Variants in NAALADL2 observed in about 807,000 individuals in gnomAD.
NAALADL2 encodes inactive N-acetylated-alpha-linked acidic dipeptidase-like protein 2.
A neutral mutation model predicts 87.2 loss-of-function variants in NAALADL2; 76 were observed. The ratio of observed to expected loss-of-function variants is 0.87; its 90% CI spans 0.72 to 1.05. NAALADL2 has a LOEUF of 1.05. Among genes scored for constraint, NAALADL2 ranks in the 50% least tolerant of loss-of-function variants. NAALADL2 has a pLI of 0.00. For missense variants in NAALADL2, 1,089 were observed against 945.8 expected (o/e 1.15, Z -1.99); for synonymous variants, 354 against 331.0 (o/e 1.07, Z -0.75).
At chr3:175,321,256 T>C (rs1288477100) in intron 4 of NAALADL2, among the ~76,000 whole-genome samples, 2 of 141,552 alleles carry the variant, frequency 1.4e-5, no homozygotes, top group Non-Finnish European at 3.0e-5. Flanking sequence ...TCTCAATAGA[T>C]GCAGAAAAAG....
intron 1 of NAALADL2, among the ~76,000 whole-genome samples, chr3:174,490,559 TC>T (rs1316249924): frequency 3.3e-5 from 5 of 152,136 alleles, no homozygotes; most frequent in Non-Finnish European, 5.9e-5. Context: ...GAATTAGATC[TC>T]AATAAAGATC....
At chr3:174,469,285 T>C (rs758375440) in intron 1 of NAALADL2, among the ~76,000 whole-genome samples, 1 of 150,964 alleles carries the variant, frequency 6.6e-6, no homozygotes, top group South Asian at 2.1e-4. Context: ...TTTGAGACAG[T>C]CTCGCTCTGT....
chr3:175,801,461 G>A (rs189786879), intron 13 of NAALADL2, among the ~76,000 whole-genome samples: 310 of 152,074 alleles, frequency 2.0e-3, no homozygotes, highest in Non-Finnish European at 3.9e-3. Flanking sequence ...TTTCACTAAG[G>A]ATATCATGCT....
chr3:174,548,194 C>G (rs1018471953), intron 1 of NAALADL2, among the ~76,000 whole-genome samples: 2 of 152,056 alleles, frequency 1.3e-5, no homozygotes, highest in African/African-American at 2.4e-5. Context: ...TTCATACAGT[C>G]GGAGAACTTT....
In NAALADL2 at chr3:174,701,823, A is replaced by G. The variant is rs78819960; in HGVS notation, c.-114-35818A>G. On this transcript the variant is annotated intron_variant, in intron 2 of 3. Coordinates refer to the NAALADL2 transcript ENST00000434257. The stretch of plus-strand genomic sequence containing the variant: ...TGTTCCATTGGAAGGGTATATCACC[A>G]TTTGTTTATTCATTCATGTGTCGGA... Among the ~76,000 whole-genome samples, 1,184 of 152,200 alleles carry G rather than the reference A, an allele frequency of 7.8e-3. 13 individuals are homozygous for G. The highest frequency in any genetic ancestry group is 0.027 in the African/African-American group (1,129 of 41,536).
At chr3:175,371,138 A>G (rs1766425772) in intron 5 of NAALADL2, among the ~76,000 whole-genome samples, 1 of 152,166 alleles carries the variant, frequency 6.6e-6, no homozygotes, top group African/African-American at 2.4e-5. Context: ...ATGTATAGTA[A>G]TTTGCAGTAA....
rs544614609 is a variant in NAALADL2 at position 175,618,944 on chromosome 3, C to T, written c.1801-8347C>T. ...GACCGAGTCAGAAGGGATAGTCATGCTCACCTGGGCTGTGCCCTAGCCTTC... is the reference window on the plus strand; with the variant it reads ...GACCGAGTCAGAAGGGATAGTCATGTTCACCTGGGCTGTGCCCTAGCCTTC... On this transcript the variant is annotated intron_variant, in intron 10 of 13. Coordinates refer to ENST00000454872, the MANE Select transcript of NAALADL2 (RefSeq NM_207015.3). 5.5e-4 allele frequency among the ~76,000 whole-genome samples: 84 copies of T among 152,318 alleles called. 2 individuals are homozygous for T. The South Asian group carries it at 0.017, about 30-fold the overall frequency.
chr3:174,713,047 T>C (rs1730827349), intron 2 of NAALADL2, among the ~76,000 whole-genome samples: 1 of 151,364 alleles, frequency 6.6e-6, no homozygotes, highest in East Asian at 2.0e-4. Context: ...AGTGAGAACA[T>C]GCGGTGTTTG....
chr3:175,613,720 C>T (rs1017910038), intron 10 of NAALADL2, among the ~76,000 whole-genome samples: 3 of 152,084 alleles, frequency 2.0e-5, no homozygotes, highest in Non-Finnish European at 4.4e-5. Context: ...GCAAGATATT[C>T]GAACTCACTG....
chr3:175,040,205 T>G (rs180803450), intron 1 of NAALADL2, among the ~76,000 whole-genome samples: 1 of 152,196 alleles, frequency 6.6e-6, no homozygotes, highest in Non-Finnish European at 1.5e-5. Context: ...AGTGTACAAC[T>G]TTTTAATAAA....
intron 1 of NAALADL2, among the ~76,000 whole-genome samples, chr3:175,089,575 T>A (rs1719688052): frequency 6.6e-6 from 1 of 152,150 alleles, no homozygotes; most frequent in Admixed American, 6.5e-5. Context: ...TCTTGGCTCA[T>A]TTTAAGAGTT....
intron 3 of NAALADL2, among the ~76,000 whole-genome samples, chr3:174,783,769 G>A (rs1284235042): frequency 6.6e-6 from 1 of 152,046 alleles, no homozygotes; most frequent in Admixed American, 6.6e-5. Context: ...GGGTTCAGGT[G>A]GACAAGGCTG....
chr3:174,503,828 A>G (rs892236876), intron 1 of NAALADL2, among the ~76,000 whole-genome samples: 9 of 152,266 alleles, frequency 5.9e-5, no homozygotes, highest in African/African-American at 1.7e-4. Flanking sequence ...AATTTGGGTC[A>G]GAATTTTTCT....
intron 2 of NAALADL2, among the ~76,000 whole-genome samples, chr3:175,167,317 A>G (rs1029690057): frequency 2.0e-5 from 3 of 152,128 alleles, no homozygotes; most frequent in Non-Finnish European, 4.4e-5. Context: ...GAGCTCTCTC[A>G]ATACAAATAT....
intron 1 of NAALADL2, among the ~76,000 whole-genome samples, chr3:174,537,904 T>C (rs1721874923): frequency 6.6e-6 from 1 of 152,176 alleles, no homozygotes; most frequent in African/African-American, 2.4e-5. Context: ...ATTCTTCCTC[T>C]TTCACAGCTA....
At position 175,082,044 on chromosome 3, in the gene NAALADL2, G is replaced by A. The variant is rs1248847835; in HGVS notation, c.44-14746G>A. 2.5e-5 allele frequency among the ~76,000 whole-genome samples: 3 copies of A among 117,924 alleles called. No homozygotes were observed. In the South Asian group the frequency reaches 7.8e-4, roughly 30 times the overall value. The allele number at this position is 117,924 out of a possible 152,430, so 77.4% of individuals were successfully genotyped here. On this transcript the variant is annotated intron_variant, in intron 1 of 13. Transcript: ENST00000454872. ...TCTCTCGTTCCCTTTGTGTGTGTAT[G>A]TGTATGTGTGTGTGTGTGTATGTGT...
chr3:174,951,439 C>T (rs947578311), intron 1 of NAALADL2, among the ~76,000 whole-genome samples: 3 of 151,980 alleles, frequency 2.0e-5, no homozygotes, highest in Non-Finnish European at 4.4e-5. Flanking sequence ...AGAAAATAGG[C>T]GGAGTGAATT....
In NAALADL2 at chr3:175,687,866, A is replaced by G. The variant is rs953324330; in HGVS notation, c.1897-49440A>G. Among the ~76,000 whole-genome samples, 9 of 151,838 alleles carry G rather than the reference A, an allele frequency of 5.9e-5. No individual in the cohort carries two copies. In the South Asian group the frequency reaches 1.9e-3, roughly 32 times the overall value. ...CTTGTTTCTGCTTGCCATGTGATGC[A>G]CCTGTTCCCCCTTCGCCTTCCGCCA... is the stretch of plus-strand genomic sequence containing the variant. On this transcript the variant is annotated intron_variant, in intron 11 of 13. Coordinates refer to ENST00000454872, the MANE Select transcript of NAALADL2 (RefSeq NM_207015.3).
chr3:175,213,153 A>G (rs1005291782), intron 2 of NAALADL2, among the ~76,000 whole-genome samples: 9 of 152,190 alleles, frequency 5.9e-5, no homozygotes, highest in Non-Finnish European at 8.8e-5. Flanking sequence ...TGTGCTTCCA[A>G]GAGGCTAAAT....
Sources: gnomAD v4.1 joint callset for allele counts (sites outside exome capture counted in the v4.1 genomes callset) on GRCh38, gnomAD v4.1.1 for gene constraint, MANE v1.5 for transcripts, NCBI Gene and HGNC (gene_info 2026-07-23, HGNC 2026-07-21) for gene names.